The following BRINP3 variants were observed in gnomAD, a reference collection of about 807,000 sequenced individuals.
The protein encoded by BRINP3 is BMP/retinoic acid inducible neural specific 3, also known as BMP/retinoic acid-inducible neural-specific protein 3.
Under a neutral mutation model 71.0 loss-of-function variants are expected in BRINP3, and 19 were observed. The ratio of observed to expected loss-of-function variants is 0.27; its 90% confidence interval spans 0.19 to 0.39. BRINP3 has a LOEUF of 0.39. Ranked by LOEUF, BRINP3 falls within the 10% of genes least tolerant of loss-of-function variation. The probability of loss-of-function intolerance (pLI) is 1.00; values close to 1 mark genes in which losing one functional copy is unlikely to be tolerated. For missense variants in BRINP3, 959 were observed against 940.8 expected, an observed-to-expected ratio of 1.02 and a Z score of -0.25; for synonymous variants, 380 against 337.7, an observed-to-expected ratio of 1.13 and a Z score of -1.37.
At chr1:190,249,613 G>A (rs1055579791) in intron 4 of BRINP3, among the ~76,000 whole-genome samples, 2 of 151,600 alleles carry the variant, frequency 1.3e-5, no homozygotes, top group African/African-American at 4.8e-5. Flanking sequence ...TAATTTCCAG[G>A]TTTACATCAT....
chr1:190,399,050 T>C (rs927757576), intron 2 of BRINP3, among the ~76,000 whole-genome samples: 8 of 152,150 alleles, frequency 5.3e-5, no homozygotes, highest in African/African-American at 1.9e-4. Flanking sequence ...ATGATTACTT[T>C]GTGCGCAGAA....
At chr1:190,475,696 G>A (rs935241765) in intron 1 of BRINP3, 4 of 152,200 alleles carry the variant, frequency 2.6e-5, no homozygotes, top group African/African-American at 9.7e-5. Context: ...CAGTTAAAAC[G>A]TTCTTGGCAG....
At chr1:190,194,780 C>T (rs1654334548) in intron 6 of BRINP3, among the ~76,000 whole-genome samples, 1 of 151,928 alleles carries the variant, frequency 6.6e-6, no homozygotes, top group Non-Finnish European at 1.5e-5. Flanking sequence ...GAATGAGCAG[C>T]TTCAGTATGG....
At chr1:190,306,995 G>A (rs894601165) in intron 2 of BRINP3, among the ~76,000 whole-genome samples, 4 of 151,710 alleles carry the variant, frequency 2.6e-5, no homozygotes, top group African/African-American at 4.8e-5. Context: ...TCATTTCCAT[G>A]AAACTCGTGT....
Position 190,399,594 on chromosome 1 carries a change from A to G in BRINP3, c.236+55061T>C, listed in dbSNP as rs138640666. Among the ~76,000 whole-genome samples, 85 of 152,140 alleles carry G rather than the reference A, an allele frequency of 5.6e-4. 3 individuals are homozygous for G. In the East Asian group the frequency reaches 0.015, roughly 27 times the overall value. ...AGCCAGTCTCTTGGTAAATGCAGAT[A>G]CAAGTGAAGCTGCAAGAGAAATATA... is the stretch of plus-strand genomic sequence containing the variant. On this transcript the variant is annotated intron_variant, in intron 2 of 7. Transcript: ENST00000367462.
intron 4 of BRINP3, among the ~76,000 whole-genome samples, chr1:190,252,863 T>C (rs1660275522): frequency 6.6e-6 from 1 of 152,084 alleles, no homozygotes; most frequent in Non-Finnish European, 1.5e-5. Flanking sequence ...ACATGTGCCA[T>C]CTTGGTTTGC....
intron 2 of BRINP3, among the ~76,000 whole-genome samples, chr1:190,298,442 T>C (rs1222436489): frequency 6.6e-6 from 1 of 152,102 alleles, no homozygotes; most frequent in East Asian, 1.9e-4. Context: ...TTTTTTTTTC[T>C]TTTCTACATG....
Position 190,109,432 on chromosome 1 carries a change from C to T in BRINP3, c.1185-10298G>A, listed in dbSNP as rs1033161396. Among the ~76,000 whole-genome samples the T allele has an allele frequency of 2.0e-5, 3 of 152,132 alleles. No individual in the cohort carries two copies. In the South Asian group the frequency reaches 6.2e-4, roughly 32 times the overall value. On this transcript the variant is annotated intron_variant, in intron 7 of 7. Coordinates refer to ENST00000367462, the MANE Select transcript of BRINP3 (RefSeq NM_199051.3). ...GTCACAATCTCTCCAGTATTCAGAGCCATCAACCTATTGACACATTCCTCA... is the reference window on the plus strand; with the variant it reads ...GTCACAATCTCTCCAGTATTCAGAGTCATCAACCTATTGACACATTCCTCA...
At chr1:190,123,136 G>A (rs1426585263) in intron 7 of BRINP3, among the ~76,000 whole-genome samples, 6 of 152,058 alleles carry the variant, frequency 3.9e-5, no homozygotes, top group East Asian at 3.9e-4. Context: ...CGCCCCCCTC[G>A]AGGAGGGGAA....
intron 2 of BRINP3, among the ~76,000 whole-genome samples, chr1:190,422,660 C>A (rs1021576770): frequency 6.6e-6 from 1 of 151,716 alleles, no homozygotes; most frequent in Admixed American, 6.6e-5. Flanking sequence ...ACTGGTTTAT[C>A]ACAAAAGGCC....
At chr1:190,371,109 T>C (rs887337555) in intron 2 of BRINP3, among the ~76,000 whole-genome samples, 2 of 152,134 alleles carry the variant, frequency 1.3e-5, no homozygotes, top group African/African-American at 4.8e-5. Flanking sequence ...GCAAATATTT[T>C]ATCCAAATTT....
chr1:190,338,416 T>A (rs748627667), intron 2 of BRINP3, among the ~76,000 whole-genome samples: 5 of 152,088 alleles, frequency 3.3e-5, no homozygotes, highest in Non-Finnish European at 7.4e-5. Flanking sequence ...AAAGGTAAAC[T>A]TTAAGTACAT....
At chr1:190,276,574 C>A (rs1231491698) in intron 3 of BRINP3, among the ~76,000 whole-genome samples, 1 of 150,782 alleles carries the variant, frequency 6.6e-6, no homozygotes, top group Non-Finnish European at 1.5e-5. Flanking sequence ...CACACACACA[C>A]ACAATATTTT....
intron 2 of BRINP3, among the ~76,000 whole-genome samples, chr1:190,287,901 T>C (rs1355261088): frequency 6.6e-6 from 1 of 152,074 alleles, no homozygotes; most frequent in Non-Finnish European, 1.5e-5. Flanking sequence ...TGTTACATAG[T>C]TTTAAATCAC....
chr1:190,366,554 C>T (rs1432792370), intron 2 of BRINP3, among the ~76,000 whole-genome samples: 2 of 152,106 alleles, frequency 1.3e-5, no homozygotes, highest in Non-Finnish European at 2.9e-5. Context: ...AAAACACAGT[C>T]ATCTTTCAAC....
chr1:190,227,349 C>T (rs1657488675), intron 5 of BRINP3, among the ~76,000 whole-genome samples: 1 of 151,512 alleles, frequency 6.6e-6, no homozygotes, highest in African/African-American at 2.4e-5. Context: ...GCAAAATTTC[C>T]TTTGCAAATT....
At chr1:190,207,701 TG>T (rs1314429555) in intron 6 of BRINP3, among the ~76,000 whole-genome samples, 1 of 152,150 alleles carries the variant, frequency 6.6e-6, no homozygotes, top group African/African-American at 2.4e-5. Flanking sequence ...ATGAGTCATG[TG>T]GCTACACTTC....
intron 4 of BRINP3, among the ~76,000 whole-genome samples, chr1:190,243,358 A>C (rs1187123539): frequency 6.6e-6 from 1 of 152,096 alleles, no homozygotes; most frequent in East Asian, 1.9e-4. Context: ...TAGATAACAC[A>C]GAGCTTAAAA....
At chr1:190,227,596 C>A (rs1657519904) in intron 5 of BRINP3, among the ~76,000 whole-genome samples, 1 of 151,600 alleles carries the variant, frequency 6.6e-6, no homozygotes, top group African/African-American at 2.4e-5. Flanking sequence ...ATTGGCTAAA[C>A]AATTATATTA....
Sources: allele counts gnomAD v4.1 joint callset (sites outside exome capture counted in the v4.1 genomes callset), GRCh38; gene constraint gnomAD v4.1.1; transcripts MANE v1.5; gene names NCBI Gene and HGNC (gene_info 2026-07-23, HGNC 2026-07-21).